Variants in CACNA2D3 observed in about 807,000 individuals in gnomAD.
CACNA2D3 encodes voltage-dependent calcium channel subunit alpha-2/delta-3.
A neutral mutation model predicts 160.6 loss-of-function variants in CACNA2D3; 60 were observed. That is an observed-to-expected ratio of 0.37 (90% confidence interval 0.30 to 0.46). The LOEUF is 0.46. Among genes scored for constraint, CACNA2D3 ranks in the 20% least tolerant of loss-of-function variants. CACNA2D3 has a pLI of 1.00. For missense variants in CACNA2D3, 1,205 were observed against 1,365.0 expected, an observed-to-expected ratio of 0.88 and a Z score of 1.85; for synonymous variants, 558 against 492.9, an observed-to-expected ratio of 1.13 and a Z score of -1.75.
At chr3:54,262,425 C>A (rs543454872) in intron 2 of CACNA2D3, among the ~76,000 whole-genome samples, 11 of 152,166 alleles carry the variant, frequency 7.2e-5, no homozygotes, top group African/African-American at 2.6e-4. Flanking sequence ...AGCTAAAGGT[C>A]GAAGGCAGGC....
At chr3:55,008,888 T>TACACACAGACACACAC (rs1553629525) in intron 33 of CACNA2D3, among the ~76,000 whole-genome samples, 30 of 142,988 alleles carry the variant, frequency 2.1e-4, no homozygotes, top group African/African-American at 7.7e-4. Context: ...CCTCCCTCTA[T>TACACACAGACACACAC]ACACACACAC....
At chr3:54,493,912 A>G (rs1701156210) in intron 4 of CACNA2D3, among the ~76,000 whole-genome samples, 1 of 152,184 alleles carries the variant, frequency 6.6e-6, no homozygotes, top group Non-Finnish European at 1.5e-5. Context: ...TTACTGTCTG[A>G]CCCTTGACAG....
intron 13 of CACNA2D3, among the ~76,000 whole-genome samples, chr3:54,781,257 A>G (rs1441410807): frequency 6.6e-6 from 1 of 152,246 alleles, no homozygotes; most frequent in Non-Finnish European, 1.5e-5. Context: ...CTATATTAGC[A>G]GAGCCAGACA....
intron 9 of CACNA2D3, among the ~76,000 whole-genome samples, chr3:54,600,493 G>A (rs1575373001): frequency 1.3e-5 from 2 of 152,164 alleles, no homozygotes; most frequent in East Asian, 3.9e-4. Context: ...AGCCAGCTGG[G>A]TCTTGCAGGA....
At chr3:55,009,258 C>T (rs1250108303) in intron 33 of CACNA2D3, 130 bp from the exon 34 acceptor site, 1 of 765,002 alleles carries the variant, frequency 1.3e-6, no homozygotes, top group African/African-American at 1.7e-5. Context: ...ACTCAGCCAA[C>T]TGTGTTGATA....
At chr3:54,203,267 C>T (rs191886137) in intron 2 of CACNA2D3, among the ~76,000 whole-genome samples, 3 of 152,128 alleles carry the variant, frequency 2.0e-5, no homozygotes, top group South Asian at 4.1e-4. Context: ...GCAGGGCGTG[C>T]GATGGGGGTG....
At chr3:54,792,447 G>A (rs1702776708) in intron 13 of CACNA2D3, among the ~76,000 whole-genome samples, 1 of 152,120 alleles carries the variant, frequency 6.6e-6, no homozygotes, top group Non-Finnish European at 1.5e-5. Context: ...TGTGATTAAG[G>A]AAAATCAATT....
chr3:54,399,962 C>T (rs1288479109), intron 4 of CACNA2D3, among the ~76,000 whole-genome samples: 2 of 117,484 alleles, frequency 1.7e-5, no homozygotes, highest in Admixed American at 9.3e-5. Context: ...ATTCCGTGGG[C>T]GTAGGACCCT....
chr3:54,855,343 C>T lies in CACNA2D3; in HGVS notation c.1626+8876C>T, dbSNP rs538980510. 1.2e-4 allele frequency among the ~76,000 whole-genome samples: 19 copies of T among 152,298 alleles called. No individual in the cohort carries two copies. The East Asian group carries it at 3.7e-3, about 29-fold the overall frequency. Reference sequence around the variant, plus strand: ...GACCCTTCATGCAGATGGGTGGGTGCGCCCCACTGTTTCTAACTTCAGGGT... The same window carrying T: ...GACCCTTCATGCAGATGGGTGGGTGTGCCCCACTGTTTCTAACTTCAGGGT... On this transcript the variant is annotated intron_variant, in intron 17 of 37. Transcript: ENST00000474759.
chr3:55,045,722 G>C (rs902033661), intron 35 of CACNA2D3, among the ~76,000 whole-genome samples: 1 of 152,140 alleles, frequency 6.6e-6, no homozygotes, highest in African/African-American at 2.4e-5. Context: ...TTTAGTGTCT[G>C]TAGAATCTGT....
At chr3:54,310,624 G>A (rs868866328) in intron 2 of CACNA2D3, among the ~76,000 whole-genome samples, 2 of 152,196 alleles carry the variant, frequency 1.3e-5, no homozygotes, top group Middle Eastern at 6.8e-3. Context: ...ATTGCCCAGA[G>A]CAACATCGGG....
rs879419133 is a variant in CACNA2D3, at chr3:54,807,647, C to T, written c.1381-9206C>T. On this transcript the variant is annotated intron_variant, in intron 13 of 37. Transcript: ENST00000474759. ...TCAACCATTGTGGAAGTCAGTGTGGCGATTCCTCAGGGATCTAGAACTAGA... is the reference window on the plus strand; with the variant it reads ...TCAACCATTGTGGAAGTCAGTGTGGTGATTCCTCAGGGATCTAGAACTAGA... Among the ~76,000 whole-genome samples, 322 of 151,572 alleles carry T rather than the reference C, an allele frequency of 2.1e-3. 2 individuals are homozygous for T. The highest frequency in any genetic ancestry group is 3.9e-3 in the Non-Finnish European group (261 of 67,790).
intron 2 of CACNA2D3, among the ~76,000 whole-genome samples, chr3:54,204,270 C>CATAT (rs746296649): frequency 1.3e-5 from 2 of 151,838 alleles, no homozygotes; most frequent in African/African-American, 4.8e-5. Context: ...AATAAATCTC[C>CATAT]ATATATATAT....
chr3:54,814,113 C>T (rs544845512), intron 13 of CACNA2D3, among the ~76,000 whole-genome samples: 16 of 152,238 alleles, frequency 1.1e-4, no homozygotes, highest in African/African-American at 3.8e-4. Flanking sequence ...AAGCAATCTG[C>T]CCAACTTGAC....
At chr3:54,286,534 A>G (rs998208326) in intron 2 of CACNA2D3, among the ~76,000 whole-genome samples, 81 of 152,360 alleles carry the variant, frequency 5.3e-4, no homozygotes, top group African/African-American at 1.7e-3. Context: ...AACTTCCTCA[A>G]TCTAGCAAGG....
chr3:54,952,099 G>C (rs1160715798), intron 27 of CACNA2D3, among the ~76,000 whole-genome samples: 1 of 152,166 alleles, frequency 6.6e-6, no homozygotes, highest in Non-Finnish European at 1.5e-5. Flanking sequence ...GCCCGCCTCA[G>C]CCTCCCAAAG....
intron 35 of CACNA2D3, among the ~76,000 whole-genome samples, chr3:55,069,871 T>C (rs1704759624): frequency 6.6e-6 from 1 of 152,254 alleles, no homozygotes; most frequent in South Asian, 2.1e-4. Flanking sequence ...CCAAAAAATG[T>C]TGAAAATGCT....
chr3:54,919,282 T>C (rs1482025317), intron 27 of CACNA2D3, among the ~76,000 whole-genome samples: 2 of 152,240 alleles, frequency 1.3e-5, no homozygotes, highest in East Asian at 3.8e-4. Flanking sequence ...AAAACTTTTG[T>C]ACCAGATTCC....
intron 2 of CACNA2D3, among the ~76,000 whole-genome samples, chr3:54,217,862 CAGAGAGAGACAG>C (rs796677237): frequency 2.7e-4 from 37 of 136,886 alleles, no homozygotes; most frequent in East Asian, 2.7e-3. Context: ...GCCTGAGAGA[CAGAGAGAGACAG>C]AGAGAGAGAG....
Sources: gnomAD v4.1 joint callset for allele counts (sites outside exome capture counted in the v4.1 genomes callset) on GRCh38, gnomAD v4.1.1 for gene constraint, MANE v1.5 for transcripts, NCBI Gene and HGNC (gene_info 2026-07-23, HGNC 2026-07-21) for gene names.